The following RYR3 variants were observed in gnomAD, a reference collection of about 807,000 sequenced individuals.
The protein encoded by RYR3 is ryanodine receptor 3, also known as brain ryanodine receptor-calcium release channel.
In RYR3, 207 loss-of-function variants were observed where a neutral mutation model predicts 584.3. The ratio of observed to expected loss-of-function variants is 0.35; its 90% CI spans 0.32 to 0.40. The LOEUF is 0.40. RYR3 is among the 10% of genes least tolerant of loss of function. The pLI is 1.00. For synonymous variants in RYR3, 2,416 were observed against 2,248.5 expected, an observed-to-expected ratio of 1.07 and a Z score of -2.11; for missense variants, 5,616 against 6,089.2, an observed-to-expected ratio of 0.92 and a Z score of 2.59.
intron 94 of RYR3, chr15:33,852,043 C>G (rs1382487637): frequency 1.3e-5 from 2 of 151,958 alleles, no homozygotes; most frequent in African/African-American, 2.4e-5. Context: ...ATACTGCCAC[C>G]CTGTTGGGGG....
At chr15:33,737,071 C>G (rs987940172) in intron 49 of RYR3, among the ~76,000 whole-genome samples, 2 of 152,032 alleles carry the variant, frequency 1.3e-5, no homozygotes, top group Admixed American at 6.5e-5. Context: ...TCTTTCTTAA[C>G]AAAAAGACCA....
intron 60 of RYR3, among the ~76,000 whole-genome samples, chr15:33,766,445 C>G (rs1316410466): frequency 1.3e-5 from 2 of 152,186 alleles, no homozygotes; most frequent in African/African-American, 2.4e-5. Context: ...CGAAGACCTC[C>G]TAAACATTTG....
chr15:33,673,900 C>T (rs898022885), intron 38 of RYR3, among the ~76,000 whole-genome samples: 1 of 152,196 alleles, frequency 6.6e-6, no homozygotes, highest in Non-Finnish European at 1.5e-5. Context: ...TATAGGTGAG[C>T]ATGGCTGAGT....
intron 72 of RYR3, among the ~76,000 whole-genome samples, chr15:33,811,388 T>C (rs1047722453): frequency 6.6e-5 from 10 of 151,872 alleles, no homozygotes; most frequent in East Asian, 1.9e-4. Context: ...GCCTGTAGTC[T>C]CAGCTACTTG....
chr15:33,722,203 A>G (rs978919581), intron 43 of RYR3, among the ~76,000 whole-genome samples: 2 of 152,196 alleles, frequency 1.3e-5, no homozygotes. Flanking sequence ...CAAGGAAGGA[A>G]GCAGATTTGC....
chr15:33,381,087 T>G (rs2041153958), intron 1 of RYR3, among the ~76,000 whole-genome samples: 1 of 152,168 alleles, frequency 6.6e-6, no homozygotes, highest in Non-Finnish European at 1.5e-5. Flanking sequence ...AAACCTCTAC[T>G]TTGAAAGCGT....
At chr15:33,703,533 G>T (rs1235128078) in intron 42 of RYR3, among the ~76,000 whole-genome samples, 1 of 152,138 alleles carries the variant, frequency 6.6e-6, no homozygotes. Flanking sequence ...TGTGTGTCCA[G>T]ATTTCCTCCT....
chr15:33,718,797 G>A (rs74005970), intron 43 of RYR3, among the ~76,000 whole-genome samples: 1,754 of 148,316 alleles, frequency 0.012, 32 homozygotes, highest in African/African-American at 0.043. Flanking sequence ...CAGGAACATC[G>A]AAAAGAAAAC....
chr15:33,860,460 C>A, intron 100 of RYR3, 135 bp from the exon 101 acceptor site: 2 of 541,816 alleles, frequency 3.7e-6, no homozygotes, highest in South Asian at 3.3e-5. Context: ...CAAAGAAACA[C>A]GAGTATTATT....
chr15:33,353,938 AC>A (rs1437973031), intron 1 of RYR3, among the ~76,000 whole-genome samples: 1 of 152,184 alleles, frequency 6.6e-6, no homozygotes, highest in East Asian at 1.9e-4. Context: ...GGAATGGAAA[AC>A]TGTGACTCCA....
chr15:33,472,326 T>C (rs2048998332), intron 1 of RYR3, among the ~76,000 whole-genome samples: 1 of 152,214 alleles, frequency 6.6e-6, no homozygotes, highest in Non-Finnish European at 1.5e-5. Context: ...TTTTCTTCAC[T>C]TCGTAGGCAC....
In RYR3 at chr15:33,819,731, T is replaced by TA. The variant is rs1271377966; in HGVS notation, c.10707-22dup. On this transcript the variant is annotated intron_variant, in intron 76 of 103. Transcript: ENST00000634891. ...ATAAATAAATAAATAAAAAGCCTGC[T>TA]AAATATTTCCTCCATTCTTTCCAGC... is the stretch of plus-strand genomic sequence containing the variant. The TA allele has an allele frequency of 3.8e-6, 5 of 1,329,358 alleles. No individual in the cohort carries two copies. The East Asian group carries it at 1.3e-4, about 35-fold the overall frequency. 82.3% of individuals were successfully genotyped at this position (1,329,358 alleles called of 1,614,324 possible). A position where few individuals can be genotyped will look rare whatever the true frequency, so the allele number is the denominator to read the frequency against.
intron 10 of RYR3, among the ~76,000 whole-genome samples, chr15:33,562,031 A>G (rs2057433710): frequency 6.6e-6 from 1 of 152,350 alleles, no homozygotes. Context: ...AGATGTAGAC[A>G]AGAAATGGAA....
In RYR3 at chr15:33,728,987, A is replaced by G; in HGVS notation, c.7164A>G (p.Gly2388=). The G allele has an allele frequency of 6.2e-7, 1 of 1,613,950 alleles. No homozygotes were observed. Among genetic ancestry groups the G allele is most frequent in the South Asian group, 1.1e-5 (1 of 91,072 alleles). ...QTFLLHLLEV[G]FLPDLRASAS... is the part of the protein sequence containing the mutation. ...TTCTGCTCCACTTGCTGGAGGTTGG[A>G]TTTTTACCTGACCTAAGAGCTTCTG... Residue 2388 remains glycine, a synonymous_variant, in exon 47 of 104, where the codon GGA becomes GGG. Coordinates refer to ENST00000634891, the MANE Select transcript of RYR3 (RefSeq NM_001036.6).
At chr15:33,470,254 T>G (rs927258510) in intron 1 of RYR3, among the ~76,000 whole-genome samples, 3 of 152,336 alleles carry the variant, frequency 2.0e-5, no homozygotes, top group Admixed American at 6.5e-5. Flanking sequence ...CTTAGTACTT[T>G]CTTCTCTTTA....
chr15:33,586,474 G>A (rs900986404), intron 16 of RYR3, among the ~76,000 whole-genome samples: 10 of 152,176 alleles, frequency 6.6e-5, no homozygotes, highest in African/African-American at 2.4e-4. Flanking sequence ...CTTATAACAA[G>A]CTGTATAGAA....
chr15:33,854,825 C>T lies in RYR3; in HGVS notation c.13920C>T (p.Phe4640=), dbSNP rs772002366. Residue 4640 remains phenylalanine (F), a synonymous_variant, in exon 98 of 104, where the codon TTC becomes TTT. Coordinates refer to ENST00000634891, the MANE Select transcript of RYR3 (RefSeq NM_001036.6). ...TMSVLGHYNN[F]FFAAHLLDIA... ...CAGTCCTGGGCCACTACAATAACTT[C>T]TTCTTTGCTGCTCACCTATTGGACA... 7 of 1,613,916 alleles carry T rather than the reference C, an allele frequency of 4.3e-6. No homozygotes were observed. The East Asian group carries it at 1.3e-4, about 31-fold the overall frequency.
In RYR3 at chr15:33,838,811, C is replaced by T. The variant is rs748000053; in HGVS notation, c.12831C>T (p.Ile4277=). The part of the protein sequence containing the change: ...FIKGEKGDTD[I]MSDLFGLHPK... ...AGGGGGAGAAGGGAGATACAGATAT[C>T]ATGTCAGACCTCTTTGGACTCCACC... Residue 4277 remains isoleucine (I), a synonymous_variant, in exon 89 of 104, where the codon ATC becomes ATT. Coordinates refer to ENST00000634891, the MANE Select transcript of RYR3 (RefSeq NM_001036.6). 6.2e-6 allele frequency: 10 copies of T among 1,613,800 alleles called. No homozygotes were observed. The highest frequency in any genetic ancestry group is 8.5e-6 in the Non-Finnish European group (10 of 1,179,842).
At chr15:33,492,553 A>G (rs2051057248) in intron 2 of RYR3, among the ~76,000 whole-genome samples, 2 of 152,010 alleles carry the variant, frequency 1.3e-5, no homozygotes, top group Non-Finnish European at 2.9e-5. Flanking sequence ...GGAAGAAGGC[A>G]TTGGGGAAAA....
Sources: gnomAD v4.1 joint callset for allele counts (sites outside exome capture counted in the v4.1 genomes callset) on GRCh38, gnomAD v4.1.1 for gene constraint, MANE v1.5 for transcripts, NCBI Gene and HGNC (gene_info 2026-07-23, HGNC 2026-07-21) for gene names.